The following TTC39B variants were observed in gnomAD, a reference collection of about 807,000 sequenced individuals.
TTC39B encodes the protein tetratricopeptide repeat protein 39B.
Under a neutral mutation model 96.6 loss-of-function variants are expected in TTC39B, and 92 were observed. The ratio of observed to expected loss-of-function variants is 0.95; its 90% CI spans 0.80 to 1.13. TTC39B has a LOEUF of 1.13. Ranked by LOEUF, TTC39B falls within the 50% of genes most tolerant of loss-of-function variation. The pLI, the probability that TTC39B is intolerant of heterozygous loss-of-function variation, is 0.00. For missense variants in TTC39B, 955 were observed against 809.3 expected (o/e 1.18, Z -2.18); for synonymous variants, 367 against 299.4 (o/e 1.23, Z -2.33).
chr9:15,185,263 A>G lies in TTC39B; in HGVS notation c.1614+17T>C. 1 of 1,596,210 alleles carries G rather than the reference A, an allele frequency of 6.3e-7. No individual in the cohort carries two copies. On this transcript the variant is annotated intron_variant, in intron 16 of 19. Transcript: ENST00000512701. The stretch of plus-strand genomic sequence containing the variant: ...TAATTTATTTCTAGTACATGAAAAG[A>G]AAATAAAAGCAGATACCAGGGCAGG...
chr9:15,201,663 A>C (rs1421437911), intron 7 of TTC39B, among the ~76,000 whole-genome samples: 1 of 152,214 alleles, frequency 6.6e-6, no homozygotes, highest in Non-Finnish European at 1.5e-5. Context: ...AATCTATTGC[A>C]AAGAGAATGA....
At chr9:15,279,519 G>A (rs1172676945) in intron 1 of TTC39B, among the ~76,000 whole-genome samples, 1 of 152,180 alleles carries the variant, frequency 6.6e-6, no homozygotes, top group Non-Finnish European at 1.5e-5. Flanking sequence ...CTGTGACCTT[G>A]AGCAAGCTAT....
intron 1 of TTC39B, among the ~76,000 whole-genome samples, chr9:15,305,410 C>T (rs1824724090): frequency 6.6e-6 from 1 of 152,106 alleles, no homozygotes; most frequent in Admixed American, 6.6e-5. Context: ...GTAAATTTGG[C>T]ATGAACAAAG....
intron 9 of TTC39B, among the ~76,000 whole-genome samples, 173 bp from the exon 10 acceptor site, chr9:15,191,428 T>C (rs1818850567): frequency 6.6e-6 from 1 of 152,242 alleles, no homozygotes; most frequent in African/African-American, 2.4e-5. Flanking sequence ...TGAATTAATT[T>C]CATTTAGCTA....
intron 2 of TTC39B, among the ~76,000 whole-genome samples, chr9:15,227,553 G>A (rs941619939): frequency 1.3e-5 from 2 of 152,150 alleles, no homozygotes; most frequent in African/African-American, 2.4e-5. Context: ...AAGGGAAAAT[G>A]TCATTAGAAG....
chr9:15,185,368 G>C lies in TTC39B; in HGVS notation c.1526C>G (p.Ser509Cys), dbSNP rs997396622. ...CACAGCAAACTTCTCAGTAGGGATA[G>C]ATTTCCCGGCAATTCTCTGCTTCAA... The change falls in exon 16 of 20, where the codon TCT (serine) becomes TGT (cysteine). Residue 509 changes from serine to cysteine, a missense_variant. Ser to Cys is a moderately radical substitution (Grantham distance 112). Coordinates refer to ENST00000512701, the Ensembl canonical transcript of TTC39B. The C allele has an allele frequency of 2.0e-5, 33 of 1,613,760 alleles. No individual in the cohort carries two copies. The highest frequency in any genetic ancestry group is 2.8e-5 in the Non-Finnish European group (33 of 1,179,802).
At chr9:15,291,711 C>T (rs183669603) in intron 1 of TTC39B, among the ~76,000 whole-genome samples, 3 of 152,104 alleles carry the variant, frequency 2.0e-5, no homozygotes, top group East Asian at 3.9e-4. Flanking sequence ...CAAAAGGGAC[C>T]GTCACTGGAT....
At chr9:15,281,665 A>G (rs1823768215) in intron 1 of TTC39B, among the ~76,000 whole-genome samples, 1 of 144,190 alleles carries the variant, frequency 6.9e-6, no homozygotes, top group Non-Finnish European at 1.5e-5. Context: ...AAAAAGCTAA[A>G]TGCCTCTTCT....
intron 3 of TTC39B, among the ~76,000 whole-genome samples, chr9:15,218,160 C>A: frequency 7.6e-6 from 1 of 131,278 alleles, no homozygotes; most frequent in African/African-American, 3.0e-5. Context: ...CAGAGCGAGA[C>A]TCTGTCTCAA....
At chr9:15,204,318 C>T (rs1819719020) in intron 6 of TTC39B, among the ~76,000 whole-genome samples, 1 of 152,148 alleles carries the variant, frequency 6.6e-6, no homozygotes, top group Non-Finnish European at 1.5e-5. Flanking sequence ...CACCTGAGGT[C>T]AGGAGATCGA....
chr9:15,237,346 C>T (rs943214874), intron 2 of TTC39B, among the ~76,000 whole-genome samples: 17 of 151,928 alleles, frequency 1.1e-4, no homozygotes, highest in Admixed American at 9.2e-4. Context: ...ACCGAAAAGT[C>T]GGTTCTTCAA....
intron 8 of TTC39B, among the ~76,000 whole-genome samples, chr9:15,193,620 T>C (rs1253888070): frequency 6.6e-6 from 1 of 152,206 alleles, no homozygotes; most frequent in East Asian, 1.9e-4. Flanking sequence ...CCTGGGTCAT[T>C]TATTTTTTAT....
At chr9:15,225,754 C>T (rs1821085165) in intron 3 of TTC39B, among the ~76,000 whole-genome samples, 163 bp downstream of exon 3, 1 of 152,248 alleles carries the variant, frequency 6.6e-6, no homozygotes, top group Non-Finnish European at 1.5e-5. Flanking sequence ...GCCACCGTAT[C>T]TCCTTCCCTG....
intron 19 of TTC39B, among the ~76,000 whole-genome samples, chr9:15,173,453 C>T (rs1173294485): frequency 6.6e-6 from 1 of 152,228 alleles, no homozygotes; most frequent in Admixed American, 6.5e-5. Context: ...TCAAGGTCAC[C>T]AATGATACTC....
At chr9:15,233,512 C>T (rs1175656399) in intron 2 of TTC39B, among the ~76,000 whole-genome samples, 4 of 149,646 alleles carry the variant, frequency 2.7e-5, no homozygotes, top group Non-Finnish European at 4.5e-5. Context: ...CACGCCGCCA[C>T]GCCTGACTGG....
intron 16 of TTC39B, among the ~76,000 whole-genome samples, chr9:15,183,609 C>T (rs746977951): frequency 1.3e-5 from 2 of 152,084 alleles, no homozygotes; most frequent in Non-Finnish European, 2.9e-5. Flanking sequence ...TACGTATACA[C>T]TGGTATCTAA....
At chr9:15,207,946 T>C (rs1026470720) in intron 6 of TTC39B, among the ~76,000 whole-genome samples, 7 of 131,924 alleles carry the variant, frequency 5.3e-5, no homozygotes, top group African/African-American at 2.1e-4. Flanking sequence ...ATCATGCCAC[T>C]GCACTCCAGC....
At position 15,187,963 on chromosome 9, in the gene TTC39B, C is replaced by A. The variant is rs190605572; in HGVS notation, c.1395+8G>T. On this transcript the variant is annotated splice_region_variant and intron_variant, in intron 14 of 19. Coordinates refer to ENST00000512701, the Ensembl canonical transcript of TTC39B. Reference sequence around the variant, plus strand: ...ACAGATGACATTAATGAAAGTATTGCACTTTACCTTGGACCATTTACTCTC... The same window carrying A: ...ACAGATGACATTAATGAAAGTATTGAACTTTACCTTGGACCATTTACTCTC... The A allele has an allele frequency of 6.4e-7, 1 of 1,564,534 alleles. No individual in the cohort carries two copies. Among genetic ancestry groups the A allele is most frequent in the Admixed American group, 2.0e-5 (1 of 51,186 alleles).
chr9:15,176,285 T>C (rs1316657599), intron 18 of TTC39B, among the ~76,000 whole-genome samples: 2 of 152,168 alleles, frequency 1.3e-5, no homozygotes, highest in African/African-American at 4.8e-5. Flanking sequence ...GAGATTCACA[T>C]ACAAAAAAAC....
Sources: gnomAD v4.1 joint callset for allele counts (sites outside exome capture counted in the v4.1 genomes callset) on GRCh38, gnomAD v4.1.1 for gene constraint, MANE v1.5 for transcripts, NCBI Gene and HGNC (gene_info 2026-07-23, HGNC 2026-07-21) for gene names.